Variants in CBLN2 observed in about 807,000 individuals in gnomAD.
CBLN2 encodes the protein cerebellin 2 precursor.
A neutral mutation model predicts 15.0 loss-of-function variants in CBLN2; 7 were observed. The ratio of observed to expected loss-of-function variants is 0.47; its 90% confidence interval spans 0.27 to 0.88. The LOEUF (loss-of-function observed/expected upper bound fraction) is 0.88. Among genes scored for constraint, CBLN2 ranks in the 40% least tolerant of loss-of-function variants. The probability of loss-of-function intolerance (pLI) is 0.14; values close to 1 mark genes in which losing one functional copy is unlikely to be tolerated. For missense variants in CBLN2, 242 were observed against 304.5 expected (o/e 0.79, Z 1.53); for synonymous variants, 149 against 135.2 (o/e 1.10, Z -0.71).
intron 1 of CBLN2, among the ~76,000 whole-genome samples, chr18:72,596,596 G>T (rs2069515614): frequency 6.6e-6 from 1 of 152,150 alleles, no homozygotes; most frequent in Non-Finnish European, 1.5e-5. Flanking sequence ...TTTCTTGTAG[G>T]ATGAGTCTGT....
At chr18:72,616,558 A>T (rs1324698459) in intron 1 of CBLN2, among the ~76,000 whole-genome samples, 4 of 152,156 alleles carry the variant, frequency 2.6e-5, no homozygotes, top group Non-Finnish European at 5.9e-5. Flanking sequence ...TGGAAAGGAT[A>T]TGATTTTGAT....
chr18:72,573,724 G>C (rs2069346500), intron 1 of CBLN2, among the ~76,000 whole-genome samples: 1 of 152,178 alleles, frequency 6.6e-6, no homozygotes, highest in South Asian at 2.1e-4. Flanking sequence ...TTCAAGTTTT[G>C]GAAATTATGG....
chr18:72,591,688 A>G (rs1222426071), intron 1 of CBLN2, among the ~76,000 whole-genome samples: 1 of 152,052 alleles, frequency 6.6e-6, no homozygotes, highest in Non-Finnish European at 1.5e-5. Flanking sequence ...TCTACTCTCT[A>G]TCTCCATGAG....
At chr18:72,545,708 G>A (rs1022029526), upstream of CBLN2, among the ~76,000 whole-genome samples, 12 of 152,160 alleles carry the variant, frequency 7.9e-5, no homozygotes. Context: ...AAGAACACTA[G>A]ATATTTGAAA....
chr18:72,578,058 C>T (rs534588137), intron 1 of CBLN2, among the ~76,000 whole-genome samples: 1 of 152,236 alleles, frequency 6.6e-6, no homozygotes, highest in East Asian at 1.9e-4. Flanking sequence ...CTGAGGGAAT[C>T]GGCGACTAAG....
chr18:72,602,067 C>T (rs1413500598), intron 1 of CBLN2, among the ~76,000 whole-genome samples: 1 of 152,104 alleles, frequency 6.6e-6, no homozygotes, highest in Non-Finnish European at 1.5e-5. Flanking sequence ...GGCTCACTGG[C>T]AGACTGCAGA....
rs181200946 is a variant in CBLN2 at position 72,588,910 on chromosome 18, G to A, written c.15+49415C>T. Among the ~76,000 whole-genome samples the A allele has an allele frequency of 3.8e-4, 58 of 152,330 alleles. No homozygotes were observed. In the East Asian group the frequency reaches 5.6e-3, roughly 15 times the overall value. On this transcript the variant is annotated intron_variant, in intron 1 of 2. Transcript: ENST00000581073. ...TTTGGAAGGCAGGAAGGAAAAGTGCGCGGAGATGGGACTAACGCGTGGGCA... is the reference window on the plus strand; with the variant it reads ...TTTGGAAGGCAGGAAGGAAAAGTGCACGGAGATGGGACTAACGCGTGGGCA...
rs570639122 is a variant in CBLN2 at position 72,553,357 on chromosome 18, A to C, written c.16-14585T>G. Among the ~76,000 whole-genome samples the C allele has an allele frequency of 3.3e-5, 5 of 152,328 alleles. No homozygotes were observed. In the East Asian group the frequency reaches 9.7e-4, roughly 29 times the overall value. ...ACATGTCAATGAGGGAAGGAGCGATAAACTTCTTTTTGTGGGCATAAACAG... is the reference window on the plus strand; with the variant it reads ...ACATGTCAATGAGGGAAGGAGCGATCAACTTCTTTTTGTGGGCATAAACAG... On this transcript the variant is annotated intron_variant, in intron 1 of 2. Transcript: ENST00000581073.
rs537989089 is a variant in CBLN2 at position 72,542,793 on chromosome 18, G to A, written c.-166-467C>T. On this transcript the variant is annotated intron_variant, in intron 2 of 4. Coordinates refer to ENST00000269503, the MANE Select transcript of CBLN2 (RefSeq NM_182511.4). ...CTATCCTCTATTTTTCAATCCTCGA[G>A]ATGTTTTTAAAGTCCATTTAAGTCC... is the stretch of plus-strand genomic sequence containing the variant. Among the ~76,000 whole-genome samples, 4 of 152,150 alleles carry A rather than the reference G, an allele frequency of 2.6e-5. No individual in the cohort carries two copies. The South Asian group carries it at 6.2e-4, about 24-fold the overall frequency.
chr18:72,588,011 A>C (rs1006402986), intron 1 of CBLN2, among the ~76,000 whole-genome samples: 1 of 152,188 alleles, frequency 6.6e-6, no homozygotes, highest in African/African-American at 2.4e-5. Context: ...TAGAGATTGC[A>C]TTGTATTTGA....
chr18:72,618,006 G>A (rs1041949308), intron 1 of CBLN2, among the ~76,000 whole-genome samples: 2 of 152,142 alleles, frequency 1.3e-5, no homozygotes, highest in Non-Finnish European at 2.9e-5. Context: ...AGGGAATTTT[G>A]GCTGTTATGG....
chr18:72,600,570 G>C (rs2069541383), intron 1 of CBLN2, among the ~76,000 whole-genome samples: 1 of 152,142 alleles, frequency 6.6e-6, no homozygotes, highest in Non-Finnish European at 1.5e-5. Context: ...AGAATGATGA[G>C]AGTTAGGGGC....
chr18:72,551,599 A>C (rs981762562), intron 1 of CBLN2, among the ~76,000 whole-genome samples: 5 of 152,200 alleles, frequency 3.3e-5, no homozygotes, highest in Admixed American at 2.6e-4. Flanking sequence ...ATATGTCTGC[A>C]TGGAGCTGGA....
At chr18:72,550,848 T>C (rs897864298) in intron 1 of CBLN2, among the ~76,000 whole-genome samples, 1 of 152,136 alleles carries the variant, frequency 6.6e-6, no homozygotes, top group Non-Finnish European at 1.5e-5. Flanking sequence ...GATAGACTAA[T>C]ACTAACCTAT....
intron 1 of CBLN2, among the ~76,000 whole-genome samples, chr18:72,599,952 TTGG>T: frequency 6.6e-6 from 1 of 152,134 alleles, no homozygotes; most frequent in Non-Finnish European, 1.5e-5. Flanking sequence ...TATGGGAAGC[TTGG>T]AGAGTGGGAC....
intron 1 of CBLN2, among the ~76,000 whole-genome samples, chr18:72,561,811 G>A (rs2069263598): frequency 6.6e-6 from 1 of 152,196 alleles, no homozygotes; most frequent in African/African-American, 2.4e-5. Context: ...ATGTGCATTA[G>A]CATGAGGGCT....
intron 1 of CBLN2, among the ~76,000 whole-genome samples, chr18:72,610,913 C>T (rs2069617509): frequency 6.6e-6 from 1 of 152,102 alleles, no homozygotes; most frequent in South Asian, 2.1e-4. Flanking sequence ...CTCTAGTAAT[C>T]CCCAGTTTCT....
intron 1 of CBLN2, among the ~76,000 whole-genome samples, chr18:72,636,049 C>T (rs755929375): frequency 1.3e-5 from 2 of 152,050 alleles, no homozygotes; most frequent in African/African-American, 4.8e-5. Context: ...AAAAATCACC[C>T]TTTTCTTCAT....
chr18:72,634,024 A>C (rs10439016), intron 1 of CBLN2, among the ~76,000 whole-genome samples: 74,791 of 151,774 alleles, frequency 0.49, 19,212 homozygotes, highest in Middle Eastern at 0.56. Context: ...ATTGCAATAT[A>C]CAAACTTCTC....
Sources: allele counts gnomAD v4.1 joint callset (sites outside exome capture counted in the v4.1 genomes callset), GRCh38; gene constraint gnomAD v4.1.1; transcripts MANE v1.5; gene names NCBI Gene and HGNC (gene_info 2026-07-23, HGNC 2026-07-21).